FAM114A2: variants seen among roughly 807,000 people sequenced by gnomAD.
FAM114A2 encodes the protein protein FAM114A2.
In FAM114A2, 53 loss-of-function variants were observed where a neutral mutation model predicts 58.4. The observed-to-expected ratio is 0.91, with a 90% CI of 0.73 to 1.14. The LOEUF (loss-of-function observed/expected upper bound fraction) is 1.14. FAM114A2 is among the 50% of genes most tolerant of loss of function. FAM114A2 has a pLI of 0.00. For missense variants in FAM114A2, 601 were observed against 581.1 expected (o/e 1.03, Z -0.35); for synonymous variants, 228 against 211.4 (o/e 1.08, Z -0.68).
In FAM114A2 at chr5:154,027,246, AG is replaced by A; in HGVS notation, c.718del (p.Leu240SerfsTer11). 1 of 1,613,568 alleles carries A rather than the reference AG, an allele frequency of 6.2e-7. No individual in the cohort carries two copies. On this transcript the variant is annotated frameshift_variant, in exon 7 of 14. Transcript: ENST00000351797. LOFTEE classifies it high-confidence loss of function. ...ETDKKTHYGLLFDEFQGLSHL... is the reference protein window; with the variant it reads ...ETDKKTHYGLXFDEFQGLSHL... ...TGAAAGGCCTTGAAATTCATCAAAG[AG>A]TAGCCCATAATGAGTTTTCTTGTCT...
At position 154,022,337 on chromosome 5, in the gene FAM114A2, C is replaced by A. The variant is rs191842297; in HGVS notation, c.913+4062G>T. ...GCACAGCAAAAGAAACTACCATCAG[C>A]GTGAACAGGCAACCTACAGAATGGG... On this transcript the variant is annotated intron_variant, in intron 8 of 13. Coordinates refer to ENST00000351797, the MANE Select transcript of FAM114A2 (RefSeq NM_018691.4). 9.4e-3 allele frequency among the ~76,000 whole-genome samples: 1,425 copies of A among 152,228 alleles called. 11 individuals are homozygous for A. Among genetic ancestry groups the A allele is most frequent in the Middle Eastern group, 0.014 (4 of 294 alleles).
intron 8 of FAM114A2, among the ~76,000 whole-genome samples, chr5:154,023,555 C>CA (rs776294522): frequency 2.0e-5 from 3 of 151,986 alleles, no homozygotes; most frequent in Non-Finnish European, 2.9e-5. Context: ...CTCTCATTCA[C>CA]AAGTAGGAGC....
intron 12 of FAM114A2, among the ~76,000 whole-genome samples, chr5:153,997,012 A>T (rs7727981): frequency 0.64 from 92,113 of 143,522 alleles, 29,807 homozygotes; most frequent in East Asian, 0.87. Context: ...AAAAAAAAAG[A>T]AAGAAAGAAA....
chr5:154,027,307 C>G lies in FAM114A2; in HGVS notation c.658G>C (p.Glu220Gln). Reference sequence around the variant, plus strand: ...GTAACCTCATTGGAGGTCCGTATCTCTTCTTTCTCCTTCGCCTCTCGTAAA... The same window carrying G: ...GTAACCTCATTGGAGGTCCGTATCTGTTCTTTCTCCTTCGCCTCTCGTAAA... Reference protein sequence around the residue: ...QVLREAKEKEEIRTSNEVTVE... With the variant: ...QVLREAKEKEQIRTSNEVTVE... Residue 220 changes from glutamate (E) to glutamine (Q), a missense_variant, in exon 7 of 14, where the codon GAG becomes CAG. Coordinates refer to ENST00000351797, the MANE Select transcript of FAM114A2 (RefSeq NM_018691.4). The G allele has an allele frequency of 6.2e-7, 1 of 1,611,976 alleles. No homozygotes were observed. The highest frequency in any genetic ancestry group is 8.5e-7 in the Non-Finnish European group (1 of 1,179,312).
chr5:153,993,052 T>G lies in FAM114A2; in HGVS notation c.1442A>C (p.Glu481Ala). ...AATCTTGTTCTCAATGAGAGAGATC[T>G]CTAGCACAGGTAAGAGTAGCTGAAA... ...DAFQLLLPVLEISLIENKIES... is the reference protein window; with the variant it reads ...DAFQLLLPVLAISLIENKIES... Residue 481 changes from glutamate (E) to alanine (A), a missense_variant, in exon 14 of 14, where the codon GAG (glutamate) becomes GCG (alanine). Coordinates refer to ENST00000351797, the MANE Select transcript of FAM114A2 (RefSeq NM_018691.4). 1 of 1,613,464 alleles carries G rather than the reference T, an allele frequency of 6.2e-7. No individual in the cohort carries two copies. The highest frequency in any genetic ancestry group is 8.5e-7 in the Non-Finnish European group (1 of 1,179,456).
In FAM114A2 at chr5:154,031,312, C is replaced by CAAAAAAAA. The variant is rs59757780; in HGVS notation, c.404-1740_404-1733dup. 2.2e-3 allele frequency among the ~76,000 whole-genome samples: 104 copies of CAAAAAAAA among 47,828 alleles called. 14 individuals are homozygous for CAAAAAAAA. The highest frequency in any genetic ancestry group is 9.0e-3 in the African/African-American group (87 of 9,700). 31.4% of individuals were successfully genotyped at this position (47,828 alleles called of 152,430 possible). A position where few individuals can be genotyped will look rare whatever the true frequency, so the allele number is the denominator to read the frequency against. The stretch of plus-strand genomic sequence containing the variant: ...GGGCGACAGAGTGAGACTCCCTCTC[C>CAAAAAAAA]AAAAAAAAAAAAAAAAGCCTTAAAG... On this transcript the variant is annotated intron_variant, in intron 4 of 13. Transcript: ENST00000351797.
intron 1 of FAM114A2, among the ~76,000 whole-genome samples, chr5:154,037,481 G>A (rs1407446207): frequency 1.3e-5 from 2 of 152,156 alleles, no homozygotes; most frequent in Non-Finnish European, 2.9e-5. Context: ...ACTAATGTAA[G>A]CCATTCACTC....
chr5:154,027,392 C>G, intron 6 of FAM114A2, 58 bp from the exon 7 acceptor site: 1 of 1,468,936 alleles, frequency 6.8e-7, no homozygotes, highest in East Asian at 2.3e-5. Flanking sequence ...AGGGTGAGTT[C>G]TGAGAATTGA....
chr5:154,025,245 A>G (rs939014066), intron 8 of FAM114A2, among the ~76,000 whole-genome samples: 13 of 152,056 alleles, frequency 8.5e-5, no homozygotes, highest in Admixed American at 6.6e-4. Context: ...AATAAAATTA[A>G]TAATTTTTAC....
intron 8 of FAM114A2, 85 bp from the exon 9 acceptor site, chr5:154,011,405 T>A (rs1278817605): frequency 1.2e-6 from 1 of 828,974 alleles, no homozygotes; most frequent in East Asian, 2.5e-5. Flanking sequence ...AGGAGAGGAG[T>A]GGTAATAGCA....
At chr5:153,995,091 A>C (rs1011423909) in intron 12 of FAM114A2, 119 bp from the exon 13 acceptor site, 2 of 662,060 alleles carry the variant, frequency 3.0e-6, no homozygotes, top group African/African-American at 3.6e-5. Flanking sequence ...ATAAGCACAG[A>C]AGTCTGGACT....
At position 154,022,200 on chromosome 5, in the gene FAM114A2, G is replaced by A. The variant is rs186938635; in HGVS notation, c.913+4199C>T. Among the ~76,000 whole-genome samples, 41 of 152,178 alleles carry A rather than the reference G, an allele frequency of 2.7e-4. No homozygotes were observed. In the South Asian group the frequency reaches 4.6e-3, roughly 17 times the overall value. ...AAAAACCCTAGAAGAAAACCTAGGC[G>A]ATACCATTCAGGACATAGGCATGGG... On this transcript the variant is annotated intron_variant, in intron 8 of 13. Transcript: ENST00000351797.
chr5:154,015,213 A>G (rs1338619799), intron 8 of FAM114A2, among the ~76,000 whole-genome samples: 1 of 152,102 alleles, frequency 6.6e-6, no homozygotes. Flanking sequence ...AAGACAAAGA[A>G]TATATACTCT....
At position 154,012,240 on chromosome 5, in the gene FAM114A2, T is replaced by C. The variant is rs75926542; in HGVS notation, c.914-920A>G. Among the ~76,000 whole-genome samples, 657 of 152,312 alleles carry C rather than the reference T, an allele frequency of 4.3e-3. 6 individuals carry two copies. The Middle Eastern group carries it at 0.044, about 10-fold the overall frequency. On this transcript the variant is annotated intron_variant, in intron 8 of 13. Coordinates refer to ENST00000351797, the MANE Select transcript of FAM114A2 (RefSeq NM_018691.4). ...AACGTTGGAAGGATGGTAAGGAAGC[T>C]GTTGGAGTTAGTCTTGTGAAAGATG...
rs551237023 is a variant in FAM114A2, at chr5:154,034,868, T to C, written c.86A>G (p.Asn29Ser). The change falls in exon 2 of 14, where the codon AAT (asparagine) becomes AGT (serine). Residue 29 changes from asparagine (N) to serine (S), a missense_variant. By Grantham distance (46) the Asn-to-Ser change is conservative. Transcript: ENST00000351797. ...LEDGNCEPAK[N>S]SESVDQGAKP... is the part of the protein sequence containing the mutation. ...GGCACCTTGGTCAACAGACTCAGAA[T>C]TCTTGGCTGGCTCACAGTTTCCATC... The C allele has an allele frequency of 2.0e-5, 32 of 1,614,056 alleles. No homozygotes were observed. The South Asian group carries it at 3.4e-4, about 17-fold the overall frequency.
chr5:154,034,796 G>A lies in FAM114A2; in HGVS notation c.158C>T (p.Pro53Leu), dbSNP rs777386718. 6.2e-7 allele frequency: 1 copy of A among 1,613,944 alleles called. No individual in the cohort carries two copies. Among genetic ancestry groups the A allele is most frequent in the Non-Finnish European group, 8.5e-7 (1 of 1,179,896 alleles). The change falls in exon 2 of 14, where the codon CCA becomes CTA. Residue 53 changes from proline to leucine, a missense_variant. Transcript: ENST00000351797. ...AAGGTCACTGGAAGGTTTGGTCTCT[G>A]GTCTTTTCCGAGTGGAAACTACAGG... is the stretch of plus-strand genomic sequence containing the variant. ...SEPVVSTRKRPETKPSSDLET... is the reference protein window; with the variant it reads ...SEPVVSTRKRLETKPSSDLET...
intron 12 of FAM114A2, among the ~76,000 whole-genome samples, chr5:153,997,039 G>A (rs1191621033): frequency 6.7e-6 from 1 of 150,216 alleles, no homozygotes; most frequent in Non-Finnish European, 1.5e-5. Context: ...TGTACATTAG[G>A]GAAATGTAAA....
chr5:153,999,517 C>T (rs1769825695), intron 11 of FAM114A2, among the ~76,000 whole-genome samples: 1 of 151,948 alleles, frequency 6.6e-6, no homozygotes, highest in Non-Finnish European at 1.5e-5. Flanking sequence ...GCTTGTAATC[C>T]CAGCTACTCA....
At chr5:154,003,890 T>C (rs1296499356) in intron 9 of FAM114A2, among the ~76,000 whole-genome samples, 1 of 152,228 alleles carries the variant, frequency 6.6e-6, no homozygotes, top group Non-Finnish European at 1.5e-5. Flanking sequence ...ATAATGATGT[T>C]TGGGTCAACA....
Sources: allele counts gnomAD v4.1 joint callset (sites outside exome capture counted in the v4.1 genomes callset), GRCh38; gene constraint gnomAD v4.1.1; transcripts MANE v1.5; gene names NCBI Gene and HGNC (gene_info 2026-07-23, HGNC 2026-07-21).